FIG4: variants seen among roughly 807,000 people sequenced by gnomAD.
FIG4 encodes polyphosphoinositide phosphatase.
FIG4 carries 112 observed loss-of-function variants against 118.6 expected under a neutral mutation model. The ratio of observed to expected loss-of-function variants is 0.94; its 90% CI spans 0.81 to 1.11. FIG4 has a LOEUF of 1.11. Ranked by LOEUF, FIG4 falls within the 50% of genes least tolerant of loss-of-function variation. The pLI is 0.00. For missense variants in FIG4, 969 were observed against 1,111.7 expected (o/e 0.87, Z 1.83); for synonymous variants, 369 against 381.2 (o/e 0.97, Z 0.37).
intron 5 of FIG4, among the ~76,000 whole-genome samples, chr6:109,734,051 C>G (rs1362234892): frequency 6.6e-6 from 1 of 151,662 alleles, no homozygotes; most frequent in Admixed American, 6.6e-5. Flanking sequence ...TAGCTTTTAT[C>G]CCTTTGAGAT....
intron 22 of FIG4, among the ~76,000 whole-genome samples, chr6:109,809,596 T>A (rs1056948213): frequency 1.3e-5 from 2 of 152,210 alleles, no homozygotes; most frequent in Non-Finnish European, 2.9e-5. Context: ...TATGCATTAC[T>A]AAGGCAACCA....
intron 18 of FIG4, among the ~76,000 whole-genome samples, chr6:109,788,644 A>G (rs912220821): frequency 6.6e-6 from 1 of 152,218 alleles, no homozygotes; most frequent in Non-Finnish European, 1.5e-5. Context: ...TCTCACAAAC[A>G]TGGAATGTGC....
intron 1 of FIG4, among the ~76,000 whole-genome samples, chr6:109,699,945 G>T (rs1774856448): frequency 6.6e-6 from 1 of 152,184 alleles, no homozygotes; most frequent in African/African-American, 2.4e-5. Context: ...CCAGTGTCTG[G>T]TGAGGACCTG....
At chr6:109,725,912 T>A (rs1324094827) in intron 3 of FIG4, among the ~76,000 whole-genome samples, 2 of 152,226 alleles carry the variant, frequency 1.3e-5, no homozygotes, top group African/African-American at 4.8e-5. Context: ...GAGAAGTGTC[T>A]GTTCATATCC....
chr6:109,728,311 T>G (rs1775882007), intron 4 of FIG4, among the ~76,000 whole-genome samples: 1 of 152,046 alleles, frequency 6.6e-6, no homozygotes, highest in Non-Finnish European at 1.5e-5. Context: ...TTAATTGTAC[T>G]TTTTTTTCCC....
chr6:109,791,372 A>G lies in FIG4; in HGVS notation c.2181-4A>G, dbSNP rs755281901. ...GCTTCACTTCCATATTATTCTTTTA[A>G]AAGAAACAAAAGCAATAGAGAAGAA... is the stretch of plus-strand genomic sequence containing the variant. On this transcript the variant is annotated splice_region_variant and splice_polypyrimidine_tract_variant and intron_variant, in intron 19 of 22. Coordinates refer to ENST00000230124, the MANE Select transcript of FIG4 (RefSeq NM_014845.6). 6.2e-7 allele frequency: 1 copy of G among 1,611,674 alleles called. No homozygotes were observed. Among genetic ancestry groups the G allele is most frequent in the African/African-American group, 1.3e-5 (1 of 75,052 alleles).
intron 21 of FIG4, 116 bp downstream of exon 21, chr6:109,792,780 C>T (rs1309720716): frequency 4.6e-6 from 3 of 645,482 alleles, no homozygotes; most frequent in African/African-American, 3.8e-5. Context: ...TGCTCTGTTG[C>T]CCAGGCTGTA....
At chr6:109,783,687 A>G (rs1777873186) in intron 16 of FIG4, among the ~76,000 whole-genome samples, 1 of 152,216 alleles carries the variant, frequency 6.6e-6, no homozygotes. Context: ...TCTCATATTC[A>G]AAGCCTTGTT....
intron 15 of FIG4, among the ~76,000 whole-genome samples, chr6:109,772,263 C>T (rs1332578502): frequency 6.6e-6 from 1 of 152,128 alleles, no homozygotes; most frequent in Non-Finnish European, 1.5e-5. Context: ...GTCTCAGTCT[C>T]CTATTGACTT....
chr6:109,797,129 G>A (rs1347327481), intron 22 of FIG4, among the ~76,000 whole-genome samples: 5 of 152,186 alleles, frequency 3.3e-5, no homozygotes, highest in Non-Finnish European at 5.9e-5. Flanking sequence ...GTAGAAGTGG[G>A]ATGGTGAAAC....
chr6:109,811,602 A>T (rs1778721925), intron 22 of FIG4, among the ~76,000 whole-genome samples: 1 of 152,194 alleles, frequency 6.6e-6, no homozygotes, highest in African/African-American at 2.4e-5. Flanking sequence ...GTAGAAAACA[A>T]GACTGACAAG....
At chr6:109,728,544 T>A (rs1176082273) in intron 4 of FIG4, among the ~76,000 whole-genome samples, 1 of 152,214 alleles carries the variant, frequency 6.6e-6, no homozygotes, top group African/African-American at 2.4e-5. Flanking sequence ...TTCCAATACA[T>A]GAACCAAAAT....
intron 13 of FIG4, 30 bp downstream of exon 13, chr6:109,764,012 T>C: frequency 2.1e-6 from 3 of 1,439,034 alleles, no homozygotes; most frequent in Non-Finnish European, 2.9e-6. Context: ...TCGTAATGAA[T>C]AGAATCTGTA....
intron 16 of FIG4, 58 bp from the exon 17 acceptor site, chr6:109,784,912 T>G: frequency 1.1e-6 from 1 of 905,782 alleles, no homozygotes; most frequent in Admixed American, 2.1e-5. Flanking sequence ...ATCCAGTAAA[T>G]TTTAGAAAAC....
intron 18 of FIG4, among the ~76,000 whole-genome samples, 170 bp downstream of exon 18, chr6:109,786,619 C>T (rs1447169938): frequency 6.6e-6 from 1 of 152,118 alleles, no homozygotes; most frequent in Non-Finnish European, 1.5e-5. Context: ...AAGAGGCAGC[C>T]CCTTCTATTG....
intron 4 of FIG4, among the ~76,000 whole-genome samples, chr6:109,728,741 AC>A (rs1775894125): frequency 6.6e-6 from 1 of 152,222 alleles, no homozygotes; most frequent in Admixed American, 6.5e-5. Flanking sequence ...TATATCTGAT[AC>A]AGCTGATAGG....
chr6:109,715,125 C>T lies in FIG4; in HGVS notation c.114C>T (p.Val38=), dbSNP rs765676819. 1.9e-6 allele frequency: 3 copies of T among 1,607,660 alleles called. No individual in the cohort carries two copies. The highest frequency in any genetic ancestry group is 2.7e-5 in the African/African-American group (2 of 74,780). ...GSNNAETKYR[V]LKIDRTEPKD... is the part of the protein sequence containing the mutation. ...ATAATGCAGAAACGAAATATCGTGT[C>T]TTGAAGATTGATAGAACAGAACCAA... is the stretch of plus-strand genomic sequence containing the variant. The change falls in exon 2 of 23, where the codon GTC becomes GTT. Residue 38 remains valine (V), a synonymous_variant. Transcript: ENST00000230124.
At chr6:109,726,676 T>G (rs916711212) in intron 3 of FIG4, among the ~76,000 whole-genome samples, 3 of 152,226 alleles carry the variant, frequency 2.0e-5, no homozygotes, top group Admixed American at 2.0e-4. Flanking sequence ...AGAATAGCAT[T>G]GAATCTATAA....
intron 16 of FIG4, among the ~76,000 whole-genome samples, chr6:109,783,430 C>T (rs1315362230): frequency 1.3e-5 from 2 of 152,170 alleles, no homozygotes; most frequent in African/African-American, 2.4e-5. Flanking sequence ...GACGCTCTAG[C>T]GCCTCCTTCT....
Sources: allele counts gnomAD v4.1 joint callset (sites outside exome capture counted in the v4.1 genomes callset), GRCh38; gene constraint gnomAD v4.1.1; transcripts MANE v1.5; gene names NCBI Gene and HGNC (gene_info 2026-07-23, HGNC 2026-07-21).